Variants in LPIN2 observed in about 807,000 individuals in gnomAD.
The protein encoded by LPIN2 is phosphatidate phosphatase LPIN2.
In LPIN2, 55 loss-of-function variants were observed where a neutral mutation model predicts 111.4. The ratio of observed to expected loss-of-function variants is 0.49; its 90% CI spans 0.40 to 0.62. LPIN2 has a LOEUF of 0.62. LPIN2 is among the 20% of genes least tolerant of loss of function. The pLI, the probability that LPIN2 is intolerant of heterozygous loss-of-function variation, is 0.00. For missense variants in LPIN2, 992 were observed against 1,112.1 expected (o/e 0.89, Z 1.54); for synonymous variants, 425 against 414.0 (o/e 1.03, Z -0.32).
At chr18:2,964,535 G>GT (rs2077763680) in intron 1 of LPIN2, among the ~76,000 whole-genome samples, 1 of 152,110 alleles carries the variant, frequency 6.6e-6, no homozygotes, top group Admixed American at 6.5e-5. Flanking sequence ...TCCTTTCCTC[G>GT]TGAGAATACA....
At chr18:2,967,291 G>A (rs921332856) in intron 1 of LPIN2, among the ~76,000 whole-genome samples, 2 of 151,806 alleles carry the variant, frequency 1.3e-5, no homozygotes, top group African/African-American at 4.8e-5. Flanking sequence ...GTGTCCCTGA[G>A]GGCAAAAAAA....
intron 1 of LPIN2, among the ~76,000 whole-genome samples, chr18:2,988,012 CAAAAAAAAA>C (rs761121515): frequency 3.4e-4 from 11 of 32,348 alleles, no homozygotes; most frequent in South Asian, 1.4e-3. Flanking sequence ...GAGACTGTCT[CAAAAAAAAA>C]AAAAAAAAAA....
chr18:2,963,654 A>G lies in LPIN2; in HGVS notation c.-9-2805T>C, dbSNP rs538334032. Reference sequence around the variant, plus strand: ...AAAAAAGAGCAAAAGCAAAGACAGAATATTTAACCAGAAAGGCAGGCTCAT... The same window carrying G: ...AAAAAAGAGCAAAAGCAAAGACAGAGTATTTAACCAGAAAGGCAGGCTCAT... On this transcript the variant is annotated intron_variant, in intron 1 of 19. Transcript: ENST00000677752. 4.6e-5 allele frequency among the ~76,000 whole-genome samples: 7 copies of G among 152,062 alleles called. No homozygotes were observed. The South Asian group carries it at 1.5e-3, about 32-fold the overall frequency.
intron 4 of LPIN2, among the ~76,000 whole-genome samples, chr18:2,947,741 T>C (rs2077475802): frequency 6.6e-6 from 1 of 152,234 alleles, no homozygotes; most frequent in Non-Finnish European, 1.5e-5. Context: ...CTGAGGAGAA[T>C]ATGCTATAGG....
Position 2,951,228 on chromosome 18 carries a change from G to C in LPIN2, c.417C>G (p.His139Gln). ...TAAAAATTGTCTCTGTTTCCAAGAC[G>C]TGTGAGATGTCTGAACTCTGAGATG... ...ETPSQSSDIS[H>Q]VLETETIFTP... The change falls in exon 4 of 20, where the codon CAC (histidine) becomes CAG (glutamine). Residue 139 changes from histidine to glutamine, a missense_variant. His to Gln is a conservative substitution (Grantham distance 24). Coordinates refer to ENST00000677752, the MANE Select transcript of LPIN2 (RefSeq NM_001375808.2). The C allele has an allele frequency of 6.2e-7, 1 of 1,613,996 alleles. No homozygotes were observed.
intron 3 of LPIN2, 92 bp from the exon 4 acceptor site, chr18:2,951,448 G>T: frequency 1.1e-6 from 1 of 944,700 alleles, no homozygotes; most frequent in Non-Finnish European, 1.5e-6. Context: ...TTTCACCATG[G>T]TAAAAAAAAA....
At chr18:2,973,964 T>G (rs756484867) in intron 1 of LPIN2, among the ~76,000 whole-genome samples, 1 of 152,270 alleles carries the variant, frequency 6.6e-6, no homozygotes, top group Non-Finnish European at 1.5e-5. Flanking sequence ...ATGCTCATTC[T>G]GTACTATAAA....
chr18:2,922,762 T>C (rs2077074108), intron 16 of LPIN2, among the ~76,000 whole-genome samples: 1 of 152,214 alleles, frequency 6.6e-6, no homozygotes. Flanking sequence ...TATAAAATGT[T>C]CAGCATCTAG....
intron 1 of LPIN2, among the ~76,000 whole-genome samples, chr18:3,000,485 C>T (rs569928587): frequency 2.2e-4 from 34 of 152,190 alleles, no homozygotes; most frequent in Non-Finnish European, 4.3e-4. Context: ...TAATAGACAA[C>T]GTTAAAGGCT....
chr18:2,986,026 G>A (rs1159008113), intron 1 of LPIN2, among the ~76,000 whole-genome samples: 2 of 152,204 alleles, frequency 1.3e-5, no homozygotes, highest in Non-Finnish European at 2.9e-5. Flanking sequence ...AAGGGAACAT[G>A]TAAAGGACCA....
intron 12 of LPIN2, among the ~76,000 whole-genome samples, chr18:2,927,419 C>T (rs1333801339): frequency 6.6e-6 from 1 of 152,202 alleles, no homozygotes; most frequent in African/African-American, 2.4e-5. Context: ...AGAAAGAGCA[C>T]AGGCTCTGGA....
intron 4 of LPIN2, among the ~76,000 whole-genome samples, chr18:2,947,756 C>T (rs957355630): frequency 2.0e-5 from 3 of 152,216 alleles, no homozygotes; most frequent in Non-Finnish European, 4.4e-5. Context: ...TATAGGAAAG[C>T]TGCAAATTCC....
At chr18:2,994,709 C>T (rs941750418) in intron 1 of LPIN2, among the ~76,000 whole-genome samples, 1 of 152,112 alleles carries the variant, frequency 6.6e-6, no homozygotes, top group Non-Finnish European at 1.5e-5. Context: ...TGTAGCAGCC[C>T]TGGCCTCCAA....
intron 4 of LPIN2, chr18:2,950,828 G>A (rs570242851): frequency 1.4e-4 from 78 of 571,160 alleles, no homozygotes; most frequent in Non-Finnish European, 2.4e-4. Context: ...ACTTCTTTAT[G>A]AAAAGAAACA....
At chr18:2,944,400 G>T (rs2077416424) in intron 4 of LPIN2, among the ~76,000 whole-genome samples, 1 of 126,348 alleles carries the variant, frequency 7.9e-6, no homozygotes, top group Admixed American at 9.6e-5. Flanking sequence ...CGCCCAGGCT[G>T]GAGTGCAGTG....
chr18:2,990,781 A>G (rs2078253738), intron 1 of LPIN2: 1 of 378,224 alleles, frequency 2.6e-6, no homozygotes, highest in Non-Finnish European at 5.3e-6. Context: ...TCAGAGCCTG[A>G]CTGACAAAAT....
intron 1 of LPIN2, among the ~76,000 whole-genome samples, chr18:3,002,681 G>A (rs926193143): frequency 6.6e-6 from 1 of 152,162 alleles, no homozygotes; most frequent in Non-Finnish European, 1.5e-5. Flanking sequence ...GGTCAAGAAA[G>A]AAATTCTAAG....
intron 1 of LPIN2, among the ~76,000 whole-genome samples, chr18:3,010,507 G>A (rs1172833566): frequency 6.6e-6 from 1 of 152,088 alleles, no homozygotes; most frequent in Non-Finnish European, 1.5e-5. Flanking sequence ...GAAGGGTATT[G>A]GAGAGAGAAA....
At chr18:2,943,460 A>G (rs1477014596) in intron 4 of LPIN2, among the ~76,000 whole-genome samples, 2 of 139,368 alleles carry the variant, frequency 1.4e-5, no homozygotes, top group South Asian at 2.4e-4. Flanking sequence ...GTGTGTGTGT[A>G]TAAATCAATG....
Sources: gnomAD v4.1 joint callset for allele counts (sites outside exome capture counted in the v4.1 genomes callset) on GRCh38, gnomAD v4.1.1 for gene constraint, MANE v1.5 for transcripts, NCBI Gene and HGNC (gene_info 2026-07-23, HGNC 2026-07-21) for gene names.